The following ATP13A5 variants were observed in gnomAD, a reference collection of about 807,000 sequenced individuals.
ATP13A5 encodes the protein ATPase 13A5.
In ATP13A5, 149 loss-of-function variants were observed where a neutral mutation model predicts 150.2. The observed-to-expected ratio is 0.99, with a 90% confidence interval of 0.87 to 1.14. The LOEUF is 1.14. Ranked by LOEUF, ATP13A5 falls within the 50% of genes most tolerant of loss-of-function variation. ATP13A5 has a pLI of 0.00. For synonymous variants in ATP13A5, 497 were observed against 522.2 expected (o/e 0.95, Z 0.66); for missense variants, 1,383 against 1,449.3 (o/e 0.95, Z 0.74).
intron 25 of ATP13A5, among the ~76,000 whole-genome samples, chr3:193,290,685 A>G (rs1022375394): frequency 2.0e-5 from 3 of 152,160 alleles, no homozygotes. Context: ...CTTCTAGATG[A>G]GAGTGTTAAA....
At chr3:193,322,650 T>C (rs1719326825) in intron 14 of ATP13A5, 76 bp from the exon 15 acceptor site, 1 of 1,045,436 alleles carries the variant, frequency 9.6e-7, no homozygotes, top group Non-Finnish European at 1.4e-6. Flanking sequence ...ATTTGCACAA[T>C]ACTTTAATCT....
chr3:193,355,356 T>C (rs1712742163), intron 5 of ATP13A5, among the ~76,000 whole-genome samples: 1 of 152,146 alleles, frequency 6.6e-6, no homozygotes, highest in South Asian at 2.1e-4. Context: ...CTTATTGTAA[T>C]AGAAACTCAA....
intron 27 of ATP13A5, 95 bp from the exon 28 acceptor site, chr3:193,279,549 ACC>A: frequency 1.1e-6 from 1 of 885,316 alleles, no homozygotes; most frequent in East Asian, 2.5e-5. Flanking sequence ...TTGGGCAAAT[ACC>A]AGATATATCT....
rs148990571 is a variant in ATP13A5 at position 193,344,034 on chromosome 3, C to T, written c.836G>A (p.Arg279His). 5.6e-5 allele frequency: 91 copies of T among 1,613,098 alleles called. No individual in the cohort carries two copies. Among genetic ancestry groups the T allele is most frequent in the African/African-American group, 4.9e-4 (37 of 74,938 alleles). The change falls in exon 9 of 30, where the codon CGT (arginine) becomes CAT (histidine). Residue 279 changes from arginine to histidine, a missense_variant. This residue lies in a region of ATP13A5 where 787 missense variants were observed against 771.9 expected (regional missense o/e 1.02). Coordinates refer to ENST00000342358, the MANE Select transcript of ATP13A5 (RefSeq NM_198505.4). ...AAGAATGTCTCCGGGAACCAAGAGA[C>T]GGGATTCCAGCTCCTCCAAACCTAC... ...KDKGLEELES[R>H]LLVPGDILIL...
intron 21 of ATP13A5, 96 bp downstream of exon 21, chr3:193,310,542 T>G: frequency 2.1e-6 from 2 of 972,568 alleles, no homozygotes; most frequent in East Asian, 5.1e-5. Flanking sequence ...TATTTTTGAC[T>G]TTTTAATAAT....
chr3:193,362,581 C>T lies in ATP13A5; in HGVS notation c.441G>A (p.Arg147=), dbSNP rs758103310. 6 of 1,614,184 alleles carry T rather than the reference C, an allele frequency of 3.7e-6. No individual in the cohort carries two copies. The South Asian group carries it at 6.6e-5, about 18-fold the overall frequency. Residue 147 remains arginine, a synonymous_variant, in exon 4 of 30, where the codon CGG becomes CGA. Transcript: ENST00000342358. ...ATTGTACTTACCCAACTTTCTGAAA[C>T]CGCTTCTCCAGGTCGTTCCAAACAT... The part of the protein sequence containing the change: ...IRYVWNDLEK[R]FQKVGLLEDS...
At chr3:193,290,110 A>G (rs776906415) in intron 25 of ATP13A5, 51 bp from the exon 26 acceptor site, 1 of 1,524,960 alleles carries the variant, frequency 6.6e-7, no homozygotes, top group Non-Finnish European at 8.8e-7. Flanking sequence ...ATTGAGAATA[A>G]AAGGTTGAGA....
At chr3:193,300,161 C>T (rs755813937) in intron 24 of ATP13A5, among the ~76,000 whole-genome samples, 6 of 152,142 alleles carry the variant, frequency 3.9e-5, no homozygotes, top group Non-Finnish European at 7.4e-5. Context: ...TTCCTGTCTT[C>T]TTTACTTTTC....
intron 29 of ATP13A5, 23 bp from the exon 30 acceptor site, chr3:193,275,325 A>G: frequency 1.2e-6 from 2 of 1,609,228 alleles, no homozygotes; most frequent in South Asian, 1.1e-5. Flanking sequence ...ATGGGAAAAC[A>G]ATCAATTTAT....
At chr3:193,275,636 A>G (rs1004843577) in intron 29 of ATP13A5, among the ~76,000 whole-genome samples, 1 of 152,360 alleles carries the variant, frequency 6.6e-6, no homozygotes. Flanking sequence ...AAAAATCACC[A>G]TTAGCCTTGC....
Position 193,284,973 on chromosome 3 carries a change from A to G in ATP13A5, c.3167T>C (p.Ile1056Thr), listed in dbSNP as rs1717655856. 6 of 1,614,090 alleles carry G rather than the reference A, an allele frequency of 3.7e-6. No homozygotes were observed. Among genetic ancestry groups the G allele is most frequent in the Non-Finnish European group, 5.1e-6 (6 of 1,179,982 alleles). Residue 1056 changes from isoleucine to threonine, a missense_variant, in exon 27 of 30, where the codon ATC becomes ACC. Physicochemically the swap from Ile to Thr is moderately conservative, Grantham distance 89. This residue lies in a region of ATP13A5 where 568 missense variants were observed against 621.5 expected (regional missense o/e 0.91). Coordinates refer to ENST00000342358, the MANE Select transcript of ATP13A5 (RefSeq NM_198505.4). ...CTTAGAAAAGATGAATGCTACTGTG[A>G]TATAGTTGATGGTGGTGATGGGCCA... The part of the protein sequence containing the change: ...TLWPITTINY[I>T]TVAFIFSKGK...
At chr3:193,281,569 G>A (rs1041427532) in intron 27 of ATP13A5, among the ~76,000 whole-genome samples, 2 of 152,132 alleles carry the variant, frequency 1.3e-5, no homozygotes, top group African/African-American at 4.8e-5. Context: ...TTTGTTTCCA[G>A]AAAAGTTAAG....
At chr3:193,305,419 C>T (rs1718572984) in intron 23 of ATP13A5, 140 bp downstream of exon 23, 2 of 726,572 alleles carry the variant, frequency 2.8e-6, no homozygotes, top group African/African-American at 3.5e-5. Flanking sequence ...ACTAATGGCC[C>T]CCTTCATTGG....
At chr3:193,276,702 A>T in intron 29 of ATP13A5, 48 bp downstream of exon 29, 2 of 1,346,908 alleles carry the variant, frequency 1.5e-6, no homozygotes, top group South Asian at 2.5e-5. Context: ...TGAAAATGAG[A>T]TCCTTAATTT....
intron 1 of ATP13A5, chr3:193,372,416 A>G (rs751501221): frequency 6.5e-6 from 1 of 154,406 alleles, no homozygotes; most frequent in Non-Finnish European, 1.5e-5. Context: ...AAACATTATG[A>G]CTGTTCTTTG....
At chr3:193,353,222 G>A (rs567467047) in intron 6 of ATP13A5, among the ~76,000 whole-genome samples, 17 of 151,414 alleles carry the variant, frequency 1.1e-4, no homozygotes, top group African/African-American at 4.1e-4. Context: ...CCACATAGGG[G>A]CCAACTGGAG....
chr3:193,354,536 TAGACTTGTCAGGCATTCTA>T (rs1343147504), intron 5 of ATP13A5, among the ~76,000 whole-genome samples: 1 of 151,886 alleles, frequency 6.6e-6, no homozygotes, highest in Non-Finnish European at 1.5e-5. Context: ...CAGATGTTCC[TAGACTTGTCAGGCATTCTA>T]GATTGCCCTT....
At chr3:193,317,781 A>T (rs957567994) in intron 17 of ATP13A5, among the ~76,000 whole-genome samples, 1 of 152,130 alleles carries the variant, frequency 6.6e-6, no homozygotes, top group Non-Finnish European at 1.5e-5. Flanking sequence ...TTTTATCTTC[A>T]TTTTCTTATT....
At chr3:193,280,202 C>G (rs1717421799) in intron 27 of ATP13A5, among the ~76,000 whole-genome samples, 1 of 152,054 alleles carries the variant, frequency 6.6e-6, no homozygotes, top group Admixed American at 6.6e-5. Context: ...AGGCGCCCAC[C>G]ACCATGCATG....
Sources: gnomAD v4.1 joint callset for allele counts (sites outside exome capture counted in the v4.1 genomes callset) on GRCh38, gnomAD v4.1.1 for gene constraint, gnomAD v4.1.1 regional missense constraint, MANE v1.5 for transcripts, NCBI Gene and HGNC (gene_info 2026-07-23, HGNC 2026-07-21) for gene names.